The following ADAM9 variants were observed in gnomAD, a reference collection of about 807,000 sequenced individuals.
ADAM9 encodes disintegrin and metalloproteinase domain-containing protein 9.
ADAM9 carries 54 observed loss-of-function variants against 108.1 expected under a neutral mutation model. That is an observed-to-expected ratio of 0.50 (90% CI 0.40 to 0.63). The LOEUF is 0.63. ADAM9 is among the 20% of genes least tolerant of loss of function. ADAM9 has a pLI of 0.00. For missense variants in ADAM9, 830 were observed against 997.7 expected, an observed-to-expected ratio of 0.83 and a Z score of 2.26; for synonymous variants, 316 against 336.0, an observed-to-expected ratio of 0.94 and a Z score of 0.65.
At chr8:39,079,202 A>G (rs944427153) in intron 16 of ADAM9, among the ~76,000 whole-genome samples, 1 of 152,206 alleles carries the variant, frequency 6.6e-6, no homozygotes, top group Non-Finnish European at 1.5e-5. Context: ...GCAGACCAGA[A>G]TGCACCCTTT....
chr8:39,071,211 G>T, intron 14 of ADAM9, 87 bp from the exon 15 acceptor site: 2 of 1,258,818 alleles, frequency 1.6e-6, no homozygotes, highest in Middle Eastern at 1.9e-4. Context: ...TCATCCAGGT[G>T]TTTAGACTGT....
At chr8:39,063,743 A>G (rs1399983034) in intron 14 of ADAM9, among the ~76,000 whole-genome samples, 1 of 152,172 alleles carries the variant, frequency 6.6e-6, no homozygotes, top group African/African-American at 2.4e-5. Context: ...ACAAGAAAAG[A>G]AAGAGTTTAG....
At chr8:39,031,096 A>G (rs1271700374) in intron 11 of ADAM9, among the ~76,000 whole-genome samples, 2 of 152,114 alleles carry the variant, frequency 1.3e-5, no homozygotes, top group Non-Finnish European at 2.9e-5. Flanking sequence ...TCTTTCATGG[A>G]CGATGCCTTT....
chr8:39,083,225 C>G (rs543395934), intron 18 of ADAM9, 152 bp downstream of exon 18: 15 of 676,148 alleles, frequency 2.2e-5, no homozygotes, highest in Non-Finnish European at 2.6e-6. Context: ...TTCCATTTTT[C>G]TCATCCCCAT....
At chr8:39,009,267 A>C (rs946063701) in intron 2 of ADAM9, among the ~76,000 whole-genome samples, 1 of 152,222 alleles carries the variant, frequency 6.6e-6, no homozygotes, top group East Asian at 1.9e-4. Flanking sequence ...GTTTTGTCTT[A>C]GGATAGAGTT....
chr8:39,020,948 G>A (rs1342318998), intron 7 of ADAM9, among the ~76,000 whole-genome samples: 1 of 152,070 alleles, frequency 6.6e-6, no homozygotes, highest in African/African-American at 2.4e-5. Flanking sequence ...AAAGGGTCAG[G>A]AAGTTCTTTA....
rs756115024 is a variant in ADAM9, at chr8:39,013,969, C to G, written c.259C>G (p.Leu87Val). Reference protein sequence around the residue: ...HIIHLERNKDLLPEDFVVYTY... With the variant: ...HIIHLERNKDVLPEDFVVYTY... ...GGTGTTTTATTTCTCTTCCAGAGAC[C>G]TTTTGCCTGAAGATTTTGTGGTTTA... Residue 87 changes from leucine to valine, a missense_variant, in exon 4 of 22, where the codon CTT (leucine) becomes GTT (valine). Physicochemically the swap from Leu to Val is conservative, Grantham distance 32. Transcript: ENST00000487273. 1 of 1,612,752 alleles carries G rather than the reference C, an allele frequency of 6.2e-7. No individual in the cohort carries two copies. The highest frequency in any genetic ancestry group is 1.3e-5 in the African/African-American group (1 of 74,812).
At chr8:39,049,724 C>G (rs969894828) in intron 12 of ADAM9, among the ~76,000 whole-genome samples, 2 of 152,166 alleles carry the variant, frequency 1.3e-5, no homozygotes, top group Admixed American at 1.3e-4. Flanking sequence ...CAGGCGTGAG[C>G]CACTGCGCCC....
intron 12 of ADAM9, among the ~76,000 whole-genome samples, chr8:39,045,172 GTATA>G (rs1405091513): frequency 1.0e-4 from 13 of 125,504 alleles, no homozygotes; most frequent in African/African-American, 3.6e-4. Context: ...ACATATATGT[GTATA>G]TATGTGTATA....
At chr8:39,078,761 A>AC (rs1470452364) in intron 16 of ADAM9, among the ~76,000 whole-genome samples, 3 of 152,242 alleles carry the variant, frequency 2.0e-5, no homozygotes, top group Admixed American at 6.5e-5. Context: ...AGCCTGGGCA[A>AC]CAAAGTGAGA....
chr8:39,094,341 A>T (rs980597453), intron 20 of ADAM9, among the ~76,000 whole-genome samples: 2 of 152,070 alleles, frequency 1.3e-5, no homozygotes, highest in Admixed American at 1.3e-4. Context: ...TTTGTTGAAG[A>T]TTTTTGCATC....
At chr8:39,074,411 A>G (rs758401489) in intron 15 of ADAM9, among the ~76,000 whole-genome samples, 1 of 152,166 alleles carries the variant, frequency 6.6e-6, no homozygotes, top group Non-Finnish European at 1.5e-5. Context: ...ATGAACACCA[A>G]TATATCCCAG....
At chr8:39,060,127 A>G (rs1838252300) in intron 14 of ADAM9, among the ~76,000 whole-genome samples, 1 of 152,156 alleles carries the variant, frequency 6.6e-6, no homozygotes, top group Non-Finnish European at 1.5e-5. Flanking sequence ...TTAAATGTTC[A>G]ATTTCTACTT....
Position 39,036,765 on chromosome 8 carries a change from A to G in ADAM9, c.1131-5181A>G, listed in dbSNP as rs150652903. On this transcript the variant is annotated intron_variant, in intron 11 of 21. Transcript: ENST00000487273. ...CATTTTAAAGTCTCACTGAAGGCCA[A>G]CACAGGGGATGTTGTTACTATCTCC... Among the ~76,000 whole-genome samples the G allele has an allele frequency of 1.6e-3, 245 of 152,326 alleles. 1 individual carries two copies. The highest frequency in any genetic ancestry group is 4.2e-3 in the African/African-American group (176 of 41,574).
chr8:39,010,954 G>A lies in ADAM9; in HGVS notation c.196-704G>A, dbSNP rs1836336200. Among the ~76,000 whole-genome samples, 4 of 152,016 alleles carry A rather than the reference G, an allele frequency of 2.6e-5. No individual in the cohort carries two copies. The South Asian group carries it at 8.3e-4, about 32-fold the overall frequency. ...CTAAAAATGCAAAAATTAGCCGGGT[G>A]TGTTGGTGGACGCCTGTAATCCCAG... On this transcript the variant is annotated intron_variant, in intron 2 of 21. Transcript: ENST00000487273.
At chr8:39,009,028 C>T (rs1836258912) in intron 2 of ADAM9, among the ~76,000 whole-genome samples, 1 of 152,036 alleles carries the variant, frequency 6.6e-6, no homozygotes, top group Non-Finnish European at 1.5e-5. Context: ...AGGCAGCGTG[C>T]CTGTTTTTTA....
chr8:39,082,048 A>G (rs980929042), intron 16 of ADAM9, among the ~76,000 whole-genome samples: 2 of 152,140 alleles, frequency 1.3e-5, no homozygotes, highest in Non-Finnish European at 2.9e-5. Context: ...ATCTCATCAT[A>G]TGAACTAGAA....
rs1219526331 is a variant in ADAM9, at chr8:39,089,301, A to G, written c.2069-746A>G. Among the ~76,000 whole-genome samples, 4 of 152,334 alleles carry G rather than the reference A, an allele frequency of 2.6e-5. No individual in the cohort carries two copies. The South Asian group carries it at 6.2e-4, about 24-fold the overall frequency. ...CTCATAGTATAAAAAAATGTAAATT[A>G]AAATTCTATAAGAGAAAATTTTTCA... On this transcript the variant is annotated intron_variant, in intron 18 of 21. Coordinates refer to ENST00000487273, the MANE Select transcript of ADAM9 (RefSeq NM_003816.3).
In ADAM9 at chr8:39,070,152, C is replaced by CAA. The variant is rs5891052; in HGVS notation, c.1592-1126_1592-1125dup. ...TGGGCAACAGAATGAGACTCTGTCT[C>CAA]AAAAAAAAAAAAAAAAAAAAAGCTA... On this transcript the variant is annotated intron_variant, in intron 14 of 21. Coordinates refer to ENST00000487273, the MANE Select transcript of ADAM9 (RefSeq NM_003816.3). 1.0e-3 allele frequency among the ~76,000 whole-genome samples: 85 copies of CAA among 81,354 alleles called. 1 individual carries two copies. Among genetic ancestry groups the CAA allele is most frequent in the African/African-American group, 3.1e-3 (65 of 20,894 alleles). The allele number at this position is 81,354 out of a possible 152,430, so 53.4% of individuals were successfully genotyped here.
Sources: gnomAD v4.1 joint callset for allele counts (sites outside exome capture counted in the v4.1 genomes callset) on GRCh38, gnomAD v4.1.1 for gene constraint, MANE v1.5 for transcripts, NCBI Gene and HGNC (gene_info 2026-07-23, HGNC 2026-07-21) for gene names.